REEP1: variants seen among roughly 807,000 people sequenced by gnomAD.
The protein encoded by REEP1 is receptor expression-enhancing protein 1.
A neutral mutation model predicts 40.3 loss-of-function variants in REEP1; 22 were observed. The observed-to-expected ratio is 0.55, with a 90% CI of 0.39 to 0.78. REEP1 has a LOEUF of 0.78. Among genes scored for constraint, REEP1 ranks in the 30% least tolerant of loss-of-function variants. REEP1 has a pLI of 0.00. For synonymous variants in REEP1, 116 were observed against 139.2 expected, an observed-to-expected ratio of 0.83 and a Z score of 1.17; for missense variants, 280 against 361.1, an observed-to-expected ratio of 0.78 and a Z score of 1.82.
chr2:86,314,247 G>T (rs1018023932), intron 1 of REEP1, among the ~76,000 whole-genome samples: 4 of 152,174 alleles, frequency 2.6e-5, no homozygotes, highest in African/African-American at 9.7e-5. Flanking sequence ...CAGCCCAGTG[G>T]CAGCAGCTTG....
At position 86,277,939 on chromosome 2, in the gene REEP1, A is replaced by C. The variant is rs150905675; in HGVS notation, c.105+4231T>G. Among the ~76,000 whole-genome samples the C allele has an allele frequency of 4.2e-3, 635 of 152,348 alleles. 2 individuals carry two copies. The highest frequency in any genetic ancestry group is 0.015 in the African/African-American group (608 of 41,582). ...AATAAATTTTGTCCAGCAGAGATAC[A>C]ACTGATCTCCCCATCCCACCCTCCA... On this transcript the variant is annotated intron_variant, in intron 2 of 8. Coordinates refer to ENST00000538924, the MANE Select transcript of REEP1 (RefSeq NM_001371279.1).
intron 5 of REEP1, among the ~76,000 whole-genome samples, chr2:86,241,527 G>A (rs1159791935): frequency 6.6e-6 from 1 of 152,190 alleles, no homozygotes; most frequent in Non-Finnish European, 1.5e-5. Context: ...GTGAGGGACA[G>A]TCCAGGTACT....
rs578118316 is a variant in REEP1 at position 86,300,971 on chromosome 2, G to A, written c.33-18729C>T. Among the ~76,000 whole-genome samples the A allele has an allele frequency of 3.3e-5, 5 of 152,244 alleles. No homozygotes were observed. The South Asian group carries it at 6.2e-4, about 19-fold the overall frequency. On this transcript the variant is annotated intron_variant, in intron 1 of 8. Coordinates refer to ENST00000538924, the MANE Select transcript of REEP1 (RefSeq NM_001371279.1). The stretch of plus-strand genomic sequence containing the variant: ...GGTACCACTGACAAACCCAGGTTGC[G>A]CTGGCACCAAAAGGTGAGGATCCAA...
At chr2:86,331,348 T>A (rs1278669671) in intron 1 of REEP1, among the ~76,000 whole-genome samples, 2 of 152,000 alleles carry the variant, frequency 1.3e-5, no homozygotes, top group Admixed American at 6.6e-5. Flanking sequence ...CTGACTTCTG[T>A]GGCTGAGTGA....
chr2:86,299,365 G>A (rs981335510), intron 1 of REEP1, among the ~76,000 whole-genome samples: 1 of 152,166 alleles, frequency 6.6e-6, no homozygotes, highest in Non-Finnish European at 1.5e-5. Context: ...ACTATTAGAT[G>A]ACCCCACTCC....
At chr2:86,280,112 A>G (rs1200373041) in intron 2 of REEP1, 1 of 449,526 alleles carries the variant, frequency 2.2e-6, no homozygotes, top group Non-Finnish European at 4.5e-6. Context: ...GGAAACTCGC[A>G]GGTTTCTCTC....
intron 1 of REEP1, among the ~76,000 whole-genome samples, chr2:86,321,370 T>C (rs1369036146): frequency 6.6e-6 from 1 of 152,190 alleles, no homozygotes; most frequent in East Asian, 1.9e-4. Context: ...CTCTGAGCAG[T>C]TTACTGGCAA....
chr2:86,229,099 A>T (rs1178155545), intron 6 of REEP1, among the ~76,000 whole-genome samples: 1 of 152,158 alleles, frequency 6.6e-6, no homozygotes, highest in Non-Finnish European at 1.5e-5. Flanking sequence ...CCACCTGTCC[A>T]GGGTTTGCAA....
chr2:86,276,335 T>G (rs965518030), intron 2 of REEP1, among the ~76,000 whole-genome samples: 1 of 152,210 alleles, frequency 6.6e-6, no homozygotes, highest in African/African-American at 2.4e-5. Context: ...TCTGGAATAT[T>G]CATTTTTTCT....
intron 1 of REEP1, among the ~76,000 whole-genome samples, chr2:86,333,912 A>G (rs1034514079): frequency 7.2e-5 from 11 of 152,188 alleles, no homozygotes; most frequent in African/African-American, 2.4e-4. Context: ...GGAGAAAGAG[A>G]GCTGGCAAGA....
intron 5 of REEP1, among the ~76,000 whole-genome samples, chr2:86,244,275 GC>G (rs1435188948): frequency 6.6e-6 from 1 of 151,904 alleles, no homozygotes; most frequent in Non-Finnish European, 1.5e-5. Context: ...TTTAGATAGA[GC>G]ACTGATGGAT....
intron 3 of REEP1, among the ~76,000 whole-genome samples, chr2:86,255,397 T>C (rs1447375066): frequency 2.0e-5 from 3 of 152,188 alleles, no homozygotes; most frequent in African/African-American, 7.2e-5. Flanking sequence ...CTCAAGTCAA[T>C]GGCAGGCAAA....
chr2:86,304,195 C>T (rs1471705922), intron 1 of REEP1, among the ~76,000 whole-genome samples: 1 of 152,058 alleles, frequency 6.6e-6, no homozygotes, highest in East Asian at 1.9e-4. Flanking sequence ...TATGGTCTCC[C>T]AGGACTCATC....
intron 1 of REEP1, among the ~76,000 whole-genome samples, chr2:86,305,303 C>T (rs1304725516): frequency 6.6e-6 from 1 of 152,166 alleles, no homozygotes. Context: ...AAGGAATCTC[C>T]CTGAGACATC....
intron 2 of REEP1, among the ~76,000 whole-genome samples, chr2:86,267,819 A>G (rs1035712062): frequency 1.3e-5 from 2 of 152,166 alleles, no homozygotes; most frequent in Non-Finnish European, 2.9e-5. Flanking sequence ...AGGTACTTAT[A>G]TCTAAATATA....
chr2:86,315,842 C>A (rs1178162372), intron 1 of REEP1, among the ~76,000 whole-genome samples: 1 of 152,182 alleles, frequency 6.6e-6, no homozygotes, highest in African/African-American at 2.4e-5. Context: ...ACATCCCATG[C>A]CCATGCCATA....
At chr2:86,334,796 C>T (rs1015413912) in intron 1 of REEP1, among the ~76,000 whole-genome samples, 6 of 152,024 alleles carry the variant, frequency 3.9e-5, no homozygotes, top group South Asian at 4.2e-4. Flanking sequence ...TCTGAGAGCC[C>T]CTCTCATAGG....
At chr2:86,320,599 T>A (rs1271394012) in intron 1 of REEP1, among the ~76,000 whole-genome samples, 1 of 152,188 alleles carries the variant, frequency 6.6e-6, no homozygotes, top group East Asian at 1.9e-4. Context: ...ATGTTTAATA[T>A]GTTTAAAGGA....
At position 86,337,462 on chromosome 2, in the gene REEP1, G is replaced by A. The variant is rs942655720; in HGVS notation, c.32+17C>T. On this transcript the variant is annotated intron_variant, in intron 1 of 8. Transcript: ENST00000538924. This position sits in a 1 kb window ranked among gnomAD's most constrained non-coding sequence, Gnocchi z 5.8. ...GGAGGGAGGGGACGGAGGGGCGCGG[G>A]GGAGAAGGCCACTTACACCACCAGC... is the stretch of plus-strand genomic sequence containing the variant. 1.1e-5 allele frequency: 14 copies of A among 1,272,756 alleles called. No individual in the cohort carries two copies. The highest frequency in any genetic ancestry group is 1.4e-5 in the Non-Finnish European group (14 of 1,004,122). The allele number at this position is 1,272,756 out of a possible 1,614,324, so 78.8% of individuals were successfully genotyped here.
Sources: gnomAD v4.1 joint callset for allele counts (sites outside exome capture counted in the v4.1 genomes callset) on GRCh38, gnomAD v4.1.1 for gene constraint, Gnocchi (gnomAD v3.1) non-coding constraint, MANE v1.5 for transcripts, NCBI Gene and HGNC (gene_info 2026-07-23, HGNC 2026-07-21) for gene names.